Variants in HMCN1 observed in about 807,000 individuals in gnomAD.
HMCN1 encodes the protein hemicentin-1.
HMCN1 carries 321 observed loss-of-function variants against 625.9 expected under a neutral mutation model. The observed-to-expected ratio is 0.51, with a 90% CI of 0.47 to 0.56. The LOEUF (loss-of-function observed/expected upper bound fraction) is 0.56, where lower values mean the gene tolerates loss of function less well. HMCN1 is among the 20% of genes least tolerant of loss of function. The pLI is 0.00. For synonymous variants in HMCN1, 2,425 were observed against 2,417.6 expected (o/e 1.00, Z -0.09); for missense variants, 6,588 against 6,887.3 (o/e 0.96, Z 1.54).
At position 185,771,318 on chromosome 1, in the gene HMCN1, G is replaced by C. The variant is rs79095764; in HGVS notation, c.268+36271G>C. On this transcript the variant is annotated intron_variant, in intron 1 of 106. Transcript: ENST00000271588. ...ACAGGTGCTGTTCACCCTGATCAAA[G>C]TAAGCTGTTAGACACTGGGGCTTTC... Among the ~76,000 whole-genome samples, 9 of 152,290 alleles carry C rather than the reference G, an allele frequency of 5.9e-5. No homozygotes were observed. In the East Asian group the frequency reaches 1.7e-3, roughly 29 times the overall value.
chr1:185,812,412 C>CA (rs924377268), intron 1 of HMCN1, among the ~76,000 whole-genome samples: 6 of 151,728 alleles, frequency 4.0e-5, no homozygotes, highest in African/African-American at 7.3e-5. Flanking sequence ...GTTTCTTTAA[C>CA]AAAAAAAGTG....
chr1:185,896,437 A>G (rs997044926), intron 4 of HMCN1, among the ~76,000 whole-genome samples: 2 of 152,178 alleles, frequency 1.3e-5, no homozygotes, highest in African/African-American at 2.4e-5. Context: ...CCATATACGT[A>G]TGGAAAGAAA....
intron 1 of HMCN1, among the ~76,000 whole-genome samples, chr1:185,801,322 A>G (rs75361742): frequency 0.032 from 4,840 of 152,270 alleles, 225 homozygotes; most frequent in African/African-American, 0.1. Flanking sequence ...TCGCAGCTCA[A>G]ATGATTAGAT....
At position 186,035,673 on chromosome 1, in the gene HMCN1, AT is replaced by A. The variant is rs1655772350; in HGVS notation, c.5750-2256del. Among the ~76,000 whole-genome samples the A allele has an allele frequency of 2.0e-5, 3 of 151,872 alleles. No homozygotes were observed. In the South Asian group the frequency reaches 6.2e-4, roughly 31 times the overall value. On this transcript the variant is annotated intron_variant, in intron 36 of 106. Coordinates refer to ENST00000271588, the MANE Select transcript of HMCN1 (RefSeq NM_031935.3). Reference sequence around the variant, plus strand: ...TTATCTTGATTTCATCTTTAATGAGATTTTTCCCATGTAGATAGCTTTATAT... The same window carrying A: ...TTATCTTGATTTCATCTTTAATGAGATTTTCCCATGTAGATAGCTTTATAT...
Position 186,130,498 on chromosome 1 carries a change from G to A in HMCN1, c.13040-9G>A. 3 of 1,612,304 alleles carry A rather than the reference G, an allele frequency of 1.9e-6. No homozygotes were observed. Among genetic ancestry groups the A allele is most frequent in the Non-Finnish European group, 2.5e-6 (3 of 1,178,590 alleles). On this transcript the variant is annotated splice_polypyrimidine_tract_variant and intron_variant, in intron 84 of 106. Transcript: ENST00000271588. Reference sequence around the variant, plus strand: ...TTTTACTTTGTACCTGTCTTATGTTGTTTTCCAGAACCTCCAGTCTTCAAA... The same window carrying A: ...TTTTACTTTGTACCTGTCTTATGTTATTTTCCAGAACCTCCAGTCTTCAAA...
intron 97 of HMCN1, among the ~76,000 whole-genome samples, chr1:186,158,468 T>G (rs150069112): frequency 3.3e-5 from 5 of 152,162 alleles, no homozygotes; most frequent in Non-Finnish European, 5.9e-5. Context: ...TTTTGTCTTT[T>G]GTTGCCATTG....
intron 63 of HMCN1, among the ~76,000 whole-genome samples, chr1:186,089,293 TAAACC>T (rs1372509415): frequency 6.6e-6 from 1 of 152,036 alleles, no homozygotes; most frequent in Non-Finnish European, 1.5e-5. Flanking sequence ...TGATTTTCAG[TAAACC>T]TCTGATTATT....
chr1:185,995,845 A>G (rs1033272957), intron 24 of HMCN1, among the ~76,000 whole-genome samples: 2 of 152,144 alleles, frequency 1.3e-5, no homozygotes, highest in Non-Finnish European at 2.9e-5. Context: ...TTCTTGTCAG[A>G]GGGAATACTA....
At chr1:186,118,698 C>G (rs138685838) in intron 77 of HMCN1, among the ~76,000 whole-genome samples, 1 of 152,144 alleles carries the variant, frequency 6.6e-6, no homozygotes, top group East Asian at 1.9e-4. Flanking sequence ...TTGACAAATG[C>G]TACAGCAGAT....
Position 186,190,546 on chromosome 1 carries a change from A to T in HMCN1, c.*668A>T, listed in dbSNP as rs905258094. 5.4e-5 allele frequency: 11 copies of T among 202,582 alleles called. No homozygotes were observed. The highest frequency in any genetic ancestry group is 1.8e-4 in the Admixed American group (3 of 16,698). 12.5% of individuals were successfully genotyped at this position (202,582 alleles called of 1,614,324 possible). Reference sequence around the variant, plus strand: ...GAACCACTTATGATAATAATAATAAAAAAGACTGCTTTGCCCTCACGTCAG... The same window carrying T: ...GAACCACTTATGATAATAATAATAATAAAGACTGCTTTGCCCTCACGTCAG... On this transcript the variant is annotated 3_prime_UTR_variant, in exon 107 of 107. Coordinates refer to ENST00000271588, the MANE Select transcript of HMCN1 (RefSeq NM_031935.3).
At chr1:185,833,946 T>G (rs1266739421) in intron 1 of HMCN1, among the ~76,000 whole-genome samples, 2 of 152,220 alleles carry the variant, frequency 1.3e-5, no homozygotes, top group African/African-American at 4.8e-5. Flanking sequence ...CCCACTTATA[T>G]TTTCTGTTTT....
Position 185,909,437 on chromosome 1 carries a change from ATC to A in HMCN1, c.723_724del (p.Pro242GlnfsTer17). On this transcript the variant is annotated frameshift_variant, in exon 5 of 107. Coordinates refer to ENST00000271588, the MANE Select transcript of HMCN1 (RefSeq NM_031935.3). LOFTEE classifies it high-confidence loss of function. ...GTAAATACTTGGAGAATTCCTTTTG[ATC>A]CCAGCCTGAAAGAGGTCACTGTGTC... The A allele has an allele frequency of 6.2e-7, 1 of 1,613,624 alleles. No homozygotes were observed. Among genetic ancestry groups the A allele is most frequent in the Non-Finnish European group, 8.5e-7 (1 of 1,179,658 alleles).
chr1:186,146,295 G>T (rs1040157806), intron 93 of HMCN1, among the ~76,000 whole-genome samples: 1 of 152,164 alleles, frequency 6.6e-6, no homozygotes, highest in Non-Finnish European at 1.5e-5. Flanking sequence ...TGACATGAGC[G>T]TGGGAAGTAA....
intron 1 of HMCN1, among the ~76,000 whole-genome samples, chr1:185,830,429 G>A (rs1660787904): frequency 6.6e-6 from 1 of 152,112 alleles, no homozygotes; most frequent in Non-Finnish European, 1.5e-5. Flanking sequence ...TTTTGTATAA[G>A]GTGTAAGGAA....
intron 5 of HMCN1, among the ~76,000 whole-genome samples, chr1:185,910,683 G>T (rs1571545288): frequency 6.6e-6 from 1 of 150,450 alleles, no homozygotes; most frequent in South Asian, 2.1e-4. Flanking sequence ...CGATTCTCCT[G>T]CCTCAGCCTC....
intron 42 of HMCN1, among the ~76,000 whole-genome samples, chr1:186,050,081 C>A (rs1256213614): frequency 2.0e-5 from 3 of 150,712 alleles, no homozygotes; most frequent in Non-Finnish European, 4.4e-5. Flanking sequence ...ATATCTAGTT[C>A]ATTTATTTAA....
intron 75 of HMCN1, 112 bp from the exon 76 acceptor site, chr1:186,116,882 G>T (rs757021941): frequency 9.0e-6 from 11 of 1,220,772 alleles, no homozygotes; most frequent in Non-Finnish European, 1.3e-5. Flanking sequence ...ATTTTAACAT[G>T]AGGGAAGAGT....
At chr1:185,967,942 C>G (rs1650538147) in intron 14 of HMCN1, among the ~76,000 whole-genome samples, 1 of 152,144 alleles carries the variant, frequency 6.6e-6, no homozygotes, top group African/African-American at 2.4e-5. Context: ...CACAAATGCT[C>G]TCTTAAATTT....
At chr1:185,964,433 T>A (rs1650251268) in intron 13 of HMCN1, among the ~76,000 whole-genome samples, 1 of 152,146 alleles carries the variant, frequency 6.6e-6, no homozygotes, top group South Asian at 2.1e-4. Flanking sequence ...TTATAAATCG[T>A]GAATAATCAA....
Sources: gnomAD v4.1 joint callset for allele counts (sites outside exome capture counted in the v4.1 genomes callset) on GRCh38, gnomAD v4.1.1 for gene constraint, MANE v1.5 for transcripts, NCBI Gene and HGNC (gene_info 2026-07-23, HGNC 2026-07-21) for gene names.